The following FBN3 variants were observed in gnomAD, a reference collection of about 807,000 sequenced individuals.
The protein encoded by FBN3 is fibrillin 3, also known as fibrillin-3.
In FBN3, 234 loss-of-function variants were observed where a neutral mutation model predicts 330.1. The ratio of observed to expected loss-of-function variants is 0.71; its 90% CI spans 0.64 to 0.79. FBN3 has a LOEUF of 0.79. Among genes scored for constraint, FBN3 ranks in the 30% least tolerant of loss-of-function variants. The pLI is 0.00. For missense variants in FBN3, 3,606 were observed against 3,886.9 expected, an observed-to-expected ratio of 0.93 and a Z score of 1.92; for synonymous variants, 1,458 against 1,517.3, an observed-to-expected ratio of 0.96 and a Z score of 0.91.
At chr19:8,145,418 C>T (rs1053217262) in intron 5 of FBN3, among the ~76,000 whole-genome samples, 1 of 149,788 alleles carries the variant, frequency 6.7e-6, no homozygotes, top group Non-Finnish European at 1.5e-5. Context: ...CGGTAGCTCA[C>T]GCCTGTAATC....
At chr19:8,091,651 G>A (rs906881146) in intron 47 of FBN3, 61 bp from the exon 48 acceptor site, 2 of 1,583,268 alleles carry the variant, frequency 1.3e-6, no homozygotes, top group Admixed American at 1.7e-5. Context: ...AGTGGGGAGA[G>A]GACTCAGCTG....
At chr19:8,066,372 G>T in intron 63 of FBN3, 112 bp from the exon 64 acceptor site, 1 of 775,258 alleles carries the variant, frequency 1.3e-6, no homozygotes, top group Non-Finnish European at 2.0e-6. Flanking sequence ...TCTCTAAAGT[G>T]AAGGAAAGAG....
At chr19:8,069,638 T>C (rs1256448061) in intron 63 of FBN3, among the ~76,000 whole-genome samples, 2 of 152,202 alleles carry the variant, frequency 1.3e-5, no homozygotes, top group African/African-American at 4.8e-5. Context: ...CAGGCTGGAG[T>C]GCAGAGGTGT....
chr19:8,131,325 G>T lies in FBN3; in HGVS notation c.1991-37C>A. 1 of 1,605,022 alleles carries T rather than the reference G, an allele frequency of 6.2e-7. No individual in the cohort carries two copies. Among genetic ancestry groups the T allele is most frequent in the Non-Finnish European group, 8.5e-7 (1 of 1,175,178 alleles). On this transcript the variant is annotated intron_variant, in intron 15 of 63. Coordinates refer to ENST00000600128, the MANE Select transcript of FBN3 (RefSeq NM_032447.5). The surrounding 1 kb of genome is among the most constrained non-coding windows in gnomAD (Gnocchi z 4.5). ...GGGACAGAGTGAGACGGGTCAGGGAGCTTAGCCATGGCTCGGATTCAGCCA... is the reference window on the plus strand; with the variant it reads ...GGGACAGAGTGAGACGGGTCAGGGATCTTAGCCATGGCTCGGATTCAGCCA...
At chr19:8,133,244 C>T in intron 13 of FBN3, 138 bp from the exon 14 acceptor site, 1 of 1,126,622 alleles carries the variant, frequency 8.9e-7, no homozygotes, top group Non-Finnish European at 1.2e-6. Flanking sequence ...TTGTCTGTGA[C>T]TGTGTGAGCT....
At position 8,111,765 on chromosome 19, in the gene FBN3, C is replaced by T; in HGVS notation, c.3967G>A (p.Asp1323Asn). ...CGGTGCTCCTGGGAGACGCATTCAT[C>T]CAGGTCTGCAGGAGATGGAGCCCAG... Reference protein sequence around the residue: ...VGDGFECHDLDECVSQEHRCS... With the variant: ...VGDGFECHDLNECVSQEHRCS... The change falls in exon 32 of 64, where the codon GAT becomes AAT. Residue 1323 changes from aspartate (D) to asparagine (N), a missense_variant. Coordinates refer to ENST00000600128, the MANE Select transcript of FBN3 (RefSeq NM_032447.5). 1.2e-6 allele frequency: 2 copies of T among 1,612,690 alleles called. No homozygotes were observed. The highest frequency in any genetic ancestry group is 1.7e-6 in the Non-Finnish European group (2 of 1,179,086).
intron 41 of FBN3, among the ~76,000 whole-genome samples, chr19:8,098,712 T>G (rs537683233): frequency 2.0e-4 from 30 of 152,296 alleles, no homozygotes. Flanking sequence ...GTGAATGTAT[T>G]CAAAACCACT....
intron 55 of FBN3, 94 bp from the exon 56 acceptor site, chr19:8,085,663 G>C: frequency 1.0e-6 from 1 of 997,862 alleles, no homozygotes; most frequent in East Asian, 2.8e-5. Flanking sequence ...TATTTTGGGG[G>C]TGTTGGGGAC....
At chr19:8,090,042 G>A (rs2144689039) in intron 49 of FBN3, 57 bp downstream of exon 49, 1 of 1,602,466 alleles carries the variant, frequency 6.2e-7, no homozygotes, top group Non-Finnish European at 8.5e-7. Flanking sequence ...AGAGAAGAAT[G>A]AGAGAGGAAG....
intron 13 of FBN3, among the ~76,000 whole-genome samples, chr19:8,134,728 G>T (rs1016706215): frequency 4.0e-5 from 6 of 151,466 alleles, no homozygotes; most frequent in African/African-American, 1.4e-4. Context: ...GAGGTCAGGA[G>T]TTCGAGACCA....
chr19:8,085,623 C>A, intron 55 of FBN3, 54 bp from the exon 56 acceptor site: 3 of 1,381,798 alleles, frequency 2.2e-6, no homozygotes, highest in Non-Finnish European at 2.9e-6. Flanking sequence ...GGTTTGGGGG[C>A]AAAGACTGAG....
intron 48 of FBN3, 43 bp from the exon 49 acceptor site, chr19:8,090,294 C>A: frequency 1.2e-6 from 2 of 1,608,030 alleles, no homozygotes; most frequent in Non-Finnish European, 1.7e-6. Flanking sequence ...AAGCCGCTGG[C>A]AGTGCCCACC....
At chr19:8,084,520 GAGCC>G (rs1293551769) in intron 56 of FBN3, among the ~76,000 whole-genome samples, 2 of 151,980 alleles carry the variant, frequency 1.3e-5, no homozygotes, top group Non-Finnish European at 2.9e-5. Context: ...GGCCATGGGA[GAGCC>G]AGCCTCTCCC....
Position 8,065,779 on chromosome 19 carries a change from C to T in FBN3, c.*140G>A. On this transcript the variant is annotated 3_prime_UTR_variant, in exon 64 of 64. Coordinates refer to ENST00000600128, the MANE Select transcript of FBN3 (RefSeq NM_032447.5). ...GAGGCCCAGGCAGAGGCCGGGCTTGCCTGAGGTTGTCGTGTAGCATTTCAC... is the reference window on the plus strand; with the variant it reads ...GAGGCCCAGGCAGAGGCCGGGCTTGTCTGAGGTTGTCGTGTAGCATTTCAC... The T allele has an allele frequency of 2.6e-6, 2 of 769,384 alleles. No homozygotes were observed. Among genetic ancestry groups the T allele is most frequent in the Middle Eastern group, 3.7e-4 (1 of 2,676 alleles). 47.7% of individuals were successfully genotyped at this position (769,384 alleles called of 1,614,324 possible). A position where few individuals can be genotyped will look rare whatever the true frequency, so the allele number is the denominator to read the frequency against.
At chr19:8,111,815 T>C in intron 31 of FBN3, 45 bp from the exon 32 acceptor site, 2 of 1,600,198 alleles carry the variant, frequency 1.2e-6, no homozygotes, top group Non-Finnish European at 1.7e-6. Context: ...GGTGTGTGCA[T>C]TGGGTGGGCG....
chr19:8,144,452 C>T (rs991549463), intron 6 of FBN3, among the ~76,000 whole-genome samples: 1 of 151,910 alleles, frequency 6.6e-6, no homozygotes, highest in Non-Finnish European at 1.5e-5. Context: ...TCATGAAGTC[C>T]AGTCCACCCT....
intron 53 of FBN3, 36 bp from the exon 54 acceptor site, chr19:8,087,247 C>T: frequency 6.5e-7 from 1 of 1,540,890 alleles, no homozygotes. Flanking sequence ...CAGTCAAGGC[C>T]AGGCACCCTA....
rs1206100902 is a variant in FBN3, at chr19:8,088,857, G to C, written c.6377-678C>G. On this transcript the variant is annotated intron_variant, in intron 51 of 63. Coordinates refer to ENST00000600128, the MANE Select transcript of FBN3 (RefSeq NM_032447.5). Reference sequence around the variant, plus strand: ...TGAATGAATGAGGGAGCAAACGAGTGAATGAGTGAATGAGTAAATGAATGA... The same window carrying C: ...TGAATGAATGAGGGAGCAAACGAGTCAATGAGTGAATGAGTAAATGAATGA... 3.9e-5 allele frequency among the ~76,000 whole-genome samples: 6 copies of C among 152,096 alleles called. No individual in the cohort carries two copies. The East Asian group carries it at 1.2e-3, about 30-fold the overall frequency.
At position 8,131,921 on chromosome 19, in the gene FBN3, A is replaced by G. The variant is rs1383196535; in HGVS notation, c.1715-92T>C. On this transcript the variant is annotated intron_variant, in intron 14 of 63. Transcript: ENST00000600128. The surrounding 1 kb of genome is among the most constrained non-coding windows in gnomAD (Gnocchi z 4.5). ...TCCCAACATTTCCATCTTCCCAGCC[A>G]TTCTATTTCTTTCCTTTCCAGTTTC... 7.4e-7 allele frequency: 1 copy of G among 1,351,684 alleles called. No homozygotes were observed. 83.7% of individuals were successfully genotyped at this position (1,351,684 alleles called of 1,614,324 possible).
Sources: gnomAD v4.1 joint callset for allele counts (sites outside exome capture counted in the v4.1 genomes callset) on GRCh38, gnomAD v4.1.1 for gene constraint, Gnocchi (gnomAD v3.1) non-coding constraint, MANE v1.5 for transcripts, NCBI Gene and HGNC (gene_info 2026-07-23, HGNC 2026-07-21) for gene names.